CERS3: variants seen among roughly 807,000 people sequenced by gnomAD.
CERS3 encodes ceramide synthase 3.
CERS3 carries 33 observed loss-of-function variants against 50.3 expected under a neutral mutation model. The ratio of observed to expected loss-of-function variants is 0.66; its 90% CI spans 0.50 to 0.88. The LOEUF is 0.88. Among genes scored for constraint, CERS3 ranks in the 40% least tolerant of loss-of-function variants. The probability of loss-of-function intolerance (pLI) is 0.00; values close to 1 mark genes in which losing one functional copy is unlikely to be tolerated. For missense variants in CERS3, 470 were observed against 460.3 expected (o/e 1.02, Z -0.19); for synonymous variants, 176 against 155.2 (o/e 1.13, Z -0.99).
chr15:100,430,981 C>T (rs2033102221), intron 11 of CERS3, among the ~76,000 whole-genome samples: 1 of 152,158 alleles, frequency 6.6e-6, no homozygotes, highest in African/African-American at 2.4e-5. Context: ...TCGCAAATCA[C>T]CTAGGGTTCT....
intron 3 of CERS3, among the ~76,000 whole-genome samples, chr15:100,497,964 G>A (rs980797731): frequency 6.7e-6 from 1 of 148,788 alleles, no homozygotes; most frequent in Non-Finnish European, 1.5e-5. Flanking sequence ...CGTGATCTCG[G>A]CTCACTGCAA....
rs1322493425 is a variant in CERS3, at chr15:100,506,379, C to T, written c.-1-4529G>A. On this transcript the variant is annotated intron_variant, in intron 2 of 11. Coordinates refer to ENST00000679737, the MANE Select transcript of CERS3 (RefSeq NM_001378789.1). ...TCAGCCATGAGAGAAATGGAAGTCA[C>T]ACCCATACCCAGAGAGGCCCTTCAC... Among the ~76,000 whole-genome samples the T allele has an allele frequency of 2.0e-5, 3 of 152,044 alleles. 1 individual carries two copies. Among genetic ancestry groups the T allele is most frequent in the Admixed American group, 2.0e-4 (3 of 15,262 alleles).
At chr15:100,509,461 C>A (rs1416717339) in intron 2 of CERS3, among the ~76,000 whole-genome samples, 4 of 152,146 alleles carry the variant, frequency 2.6e-5, no homozygotes, top group African/African-American at 9.7e-5. Context: ...TAGAGGAGAG[C>A]AACAAGAAAC....
intron 2 of CERS3, among the ~76,000 whole-genome samples, chr15:100,509,086 T>C (rs2036265385): frequency 6.6e-6 from 1 of 152,202 alleles, no homozygotes; most frequent in South Asian, 2.1e-4. Flanking sequence ...TATTTTTGAC[T>C]TCAGCTGCCA....
At chr15:100,492,585 A>G (rs2142303248) in intron 3 of CERS3, among the ~76,000 whole-genome samples, 1 of 152,256 alleles carries the variant, frequency 6.6e-6, no homozygotes, top group South Asian at 2.1e-4. Flanking sequence ...CATTCAACCT[A>G]TTTGTGTCTT....
chr15:100,501,966 G>T, intron 2 of CERS3, 116 bp from the exon 3 acceptor site: 2 of 1,072,458 alleles, frequency 1.9e-6, no homozygotes, highest in Non-Finnish European at 2.7e-6. Context: ...AAGGCAAGAG[G>T]CCTAGCGCAG....
At chr15:100,429,415 G>A (rs1262036485) in intron 11 of CERS3, among the ~76,000 whole-genome samples, 1 of 152,102 alleles carries the variant, frequency 6.6e-6, no homozygotes, top group Non-Finnish European at 1.5e-5. Flanking sequence ...GTTTGAAAGG[G>A]ACCTTTAAGT....
At chr15:100,476,209 A>C (rs1413410649) in intron 7 of CERS3, 31 bp from the exon 8 acceptor site, 16 of 1,442,566 alleles carry the variant, frequency 1.1e-5, no homozygotes, top group Non-Finnish European at 1.5e-5. Flanking sequence ...CATTACTTTA[A>C]ATGCCATCAT....
chr15:100,467,850 T>TATATATAGATAGATAGATAGATAGATAG (rs145899470), intron 10 of CERS3, among the ~76,000 whole-genome samples: 1 of 93,136 alleles, frequency 1.1e-5, no homozygotes, highest in Non-Finnish European at 2.3e-5. Context: ...TATATATATA[T>TATATATAGATAGATAGATAGATAGATAG]ATAGATAGAT....
intron 11 of CERS3, among the ~76,000 whole-genome samples, chr15:100,432,137 G>T (rs1426712657): frequency 6.6e-6 from 1 of 151,594 alleles, no homozygotes; most frequent in African/African-American, 2.4e-5. Context: ...GGGCAATCAT[G>T]GCTCACTGAA....
intron 2 of CERS3, among the ~76,000 whole-genome samples, chr15:100,510,353 A>C (rs1330186519): frequency 6.6e-6 from 1 of 152,242 alleles, no homozygotes; most frequent in Non-Finnish European, 1.5e-5. Context: ...AAGACAAAAA[A>C]TAATTTTAAG....
At position 100,400,753 on chromosome 15, in the gene CERS3, C is replaced by T. The variant is rs1446718320; in HGVS notation, c.*1960G>A. 6.6e-6 allele frequency: 1 copy of T among 151,976 alleles called. No homozygotes were observed. Among genetic ancestry groups the T allele is most frequent in the Non-Finnish European group, 1.5e-5 (1 of 67,972 alleles). The allele number at this position is 151,976 out of a possible 1,614,324, so 9.4% of individuals were successfully genotyped here. ...AAAACCAAATAAGCAAAGAAGAAAG[C>T]ATACCGTTAACTGAAAACATAAAAA... On this transcript the variant is annotated 3_prime_UTR_variant, in exon 12 of 12. Coordinates refer to ENST00000679737, the MANE Select transcript of CERS3 (RefSeq NM_001378789.1).
rs1555519550 is a variant in CERS3 at position 100,414,819 on chromosome 15, T to TTAAAAA, written c.1000-11955_1000-11954insTTTTTA. The stretch of plus-strand genomic sequence containing the variant: ...CCTTAAATGTAAAACCCAAAATGAT[T>TTAAAAA]AAAAAAAAAAAACCCTGGAAGAAAA... On this transcript the variant is annotated intron_variant, in intron 11 of 11. Coordinates refer to ENST00000679737, the MANE Select transcript of CERS3 (RefSeq NM_001378789.1). Among the ~76,000 whole-genome samples the TTAAAAA allele has an allele frequency of 5.1e-4, 72 of 141,244 alleles. 1 individual carries two copies. Among genetic ancestry groups the TTAAAAA allele is most frequent in the Middle Eastern group, 7.4e-3 (2 of 270 alleles). The allele number at this position is 141,244 out of a possible 152,430, so 92.7% of individuals were successfully genotyped here.
At position 100,401,993 on chromosome 15, in the gene CERS3, C is replaced by T. The variant is rs546242590; in HGVS notation, c.*720G>A. ...TCTTGGCACTTTCATTTCCAGGTAT[C>T]TCCAGAGTCATTTAAGAGGAATTTT... On this transcript the variant is annotated 3_prime_UTR_variant, in exon 12 of 12. Transcript: ENST00000679737. 16 of 152,354 alleles carry T rather than the reference C, an allele frequency of 1.1e-4. No individual in the cohort carries two copies. Among genetic ancestry groups the T allele is most frequent in the African/African-American group, 3.4e-4 (14 of 41,570 alleles). 9.4% of individuals were successfully genotyped at this position (152,354 alleles called of 1,614,324 possible). A position where few individuals can be genotyped will look rare whatever the true frequency, so the allele number is the denominator to read the frequency against.
chr15:100,503,407 T>C (rs2036069265), intron 2 of CERS3, among the ~76,000 whole-genome samples: 1 of 152,208 alleles, frequency 6.6e-6, no homozygotes, highest in South Asian at 2.1e-4. Flanking sequence ...TCACCCTCAT[T>C]AAAATGCTGG....
intron 11 of CERS3, among the ~76,000 whole-genome samples, chr15:100,410,822 A>G (rs2031422724): frequency 6.6e-6 from 1 of 152,242 alleles, no homozygotes; most frequent in Non-Finnish European, 1.5e-5. Flanking sequence ...GGCAAAATGC[A>G]CATAAGATTT....
rs149637953 is a variant in CERS3 at position 100,456,007 on chromosome 15, G to A, written c.885C>T (p.Leu295=). Residue 295 remains leucine, a synonymous_variant, in exon 11 of 12, where the codon CTC becomes CTT. Transcript: ENST00000679737. The part of the protein sequence containing the change: ...YCTLILPMYH[L]EPFFSYIFLN... ...GGAAGATGTATGAAAAGAAAGGCTC[G>A]AGGTGATACATAGGCAAGATCAGCG... 111 of 1,612,750 alleles carry A rather than the reference G, an allele frequency of 6.9e-5. No homozygotes were observed. Among genetic ancestry groups the A allele is most frequent in the Middle Eastern group, 1.6e-4 (1 of 6,076 alleles).
At chr15:100,460,821 T>A (rs527577294) in intron 10 of CERS3, among the ~76,000 whole-genome samples, 1 of 152,220 alleles carries the variant, frequency 6.6e-6, no homozygotes, top group African/African-American at 2.4e-5. Context: ...TTACACAGTC[T>A]ACCGGAGAAT....
intron 5 of CERS3, among the ~76,000 whole-genome samples, chr15:100,482,388 G>A (rs2035332445): frequency 6.6e-6 from 1 of 152,090 alleles, no homozygotes; most frequent in African/African-American, 2.4e-5. Flanking sequence ...GGGCCAGATG[G>A]GAGGCCTGTG....
Sources: gnomAD v4.1 joint callset for allele counts (sites outside exome capture counted in the v4.1 genomes callset) on GRCh38, gnomAD v4.1.1 for gene constraint, MANE v1.5 for transcripts, NCBI Gene and HGNC (gene_info 2026-07-23, HGNC 2026-07-21) for gene names.